DAAM1: variants seen among roughly 807,000 people sequenced by gnomAD.
The protein encoded by DAAM1 is disheveled-associated activator of morphogenesis 1.
Under a neutral mutation model 130.0 loss-of-function variants are expected in DAAM1, and 52 were observed. The observed-to-expected ratio is 0.40, with a 90% confidence interval of 0.32 to 0.50. The LOEUF is 0.50. Among genes scored for constraint, DAAM1 ranks in the 20% least tolerant of loss-of-function variants. The pLI is 0.61. For missense variants in DAAM1, 1,134 were observed against 1,303.8 expected (o/e 0.87, Z 2.01); for synonymous variants, 452 against 444.5 (o/e 1.02, Z -0.21).
chr14:59,320,119 G>A (rs1884950483), intron 4 of DAAM1, among the ~76,000 whole-genome samples: 1 of 152,178 alleles, frequency 6.6e-6, no homozygotes, highest in Non-Finnish European at 1.5e-5. Context: ...TGAGGAATAG[G>A]AATGGTAGCA....
intron 2 of DAAM1, among the ~76,000 whole-genome samples, chr14:59,280,400 A>C (rs560310213): frequency 6.6e-6 from 1 of 152,060 alleles, no homozygotes. Flanking sequence ...ACACCACTGC[A>C]CTCCAGCCTG....
At chr14:59,332,054 C>T in intron 15 of DAAM1, 134 bp downstream of exon 15, 1 of 716,594 alleles carries the variant, frequency 1.4e-6, no homozygotes, top group Non-Finnish European at 2.3e-6. Flanking sequence ...CTGTGCATGT[C>T]CGTGTCTCCG....
chr14:59,217,261 AT>A (rs1394824000), intron 1 of DAAM1, among the ~76,000 whole-genome samples: 6 of 151,972 alleles, frequency 3.9e-5, no homozygotes, highest in African/African-American at 1.5e-4. Flanking sequence ...TCTGTGACTG[AT>A]TTCTTAAGGG....
chr14:59,259,207 A>C lies in DAAM1; in HGVS notation c.-37-4234A>C, dbSNP rs937542784. Among the ~76,000 whole-genome samples, 5 of 152,166 alleles carry C rather than the reference A, an allele frequency of 3.3e-5. No individual in the cohort carries two copies. In the East Asian group the frequency reaches 9.6e-4, roughly 29 times the overall value. On this transcript the variant is annotated intron_variant, in intron 1 of 24. Coordinates refer to ENST00000360909, the MANE Select transcript of DAAM1 (RefSeq NM_001270520.2). The stretch of plus-strand genomic sequence containing the variant: ...ACCTCTGTGTGCAAAACACTAAGTG[A>C]CATGTGCCATGTCACTTTTCCTCCC...
chr14:59,311,632 A>G (rs1884599741), intron 3 of DAAM1, among the ~76,000 whole-genome samples: 1 of 151,956 alleles, frequency 6.6e-6, no homozygotes. Context: ...TATTTCTGGA[A>G]ATGTTTGTGT....
At chr14:59,358,691 A>C (rs1325257194) in intron 20 of DAAM1, among the ~76,000 whole-genome samples, 3 of 152,016 alleles carry the variant, frequency 2.0e-5, no homozygotes, top group Non-Finnish European at 4.4e-5. Flanking sequence ...GAAAACATGA[A>C]AATTAGCCGG....
At chr14:59,361,746 G>A (rs1045557217) in intron 22 of DAAM1, among the ~76,000 whole-genome samples, 6 of 152,154 alleles carry the variant, frequency 3.9e-5, no homozygotes, top group South Asian at 2.1e-4. Context: ...GCAGAGTAGC[G>A]TCCCTGGTGT....
chr14:59,224,957 C>A (rs1003796975), intron 1 of DAAM1, among the ~76,000 whole-genome samples: 1 of 151,624 alleles, frequency 6.6e-6, no homozygotes, highest in Non-Finnish European at 1.5e-5. Flanking sequence ...TATGCTGGCA[C>A]CTTCACCTCA....
At chr14:59,337,172 T>C (rs1046959421) in intron 15 of DAAM1, among the ~76,000 whole-genome samples, 1 of 152,214 alleles carries the variant, frequency 6.6e-6, no homozygotes, top group Non-Finnish European at 1.5e-5. Context: ...TAGGTTAAGA[T>C]GACTTCATGG....
intron 4 of DAAM1, among the ~76,000 whole-genome samples, chr14:59,317,341 A>G (rs1884830408): frequency 6.6e-6 from 1 of 152,224 alleles, no homozygotes; most frequent in African/African-American, 2.4e-5. Flanking sequence ...TGATGAGACC[A>G]GAAACCCTAT....
intron 16 of DAAM1, among the ~76,000 whole-genome samples, chr14:59,346,612 A>G (rs1020351770): frequency 2.0e-5 from 3 of 152,118 alleles, no homozygotes; most frequent in Admixed American, 6.5e-5. Flanking sequence ...ATCAAAGAAA[A>G]GGAAAAGTCT....
chr14:59,357,439 G>GT (rs1386353689), intron 20 of DAAM1: 4 of 152,104 alleles, frequency 2.6e-5, no homozygotes, highest in Non-Finnish European at 4.4e-5. Context: ...TACCCCTTAG[G>GT]TAAGAATCAC....
chr14:59,364,332 T>C (rs1031896469), intron 23 of DAAM1, among the ~76,000 whole-genome samples: 2 of 152,014 alleles, frequency 1.3e-5, no homozygotes, highest in Non-Finnish European at 2.9e-5. Flanking sequence ...ACAAGAGGTT[T>C]TTTTTTTTTT....
rs1487187845 is a variant in DAAM1 at position 59,330,673 on chromosome 14, C to G, written c.1545C>G (p.Leu515=). The G allele has an allele frequency of 6.2e-7, 1 of 1,611,492 alleles. No homozygotes were observed. Among genetic ancestry groups the G allele is most frequent in the Non-Finnish European group, 8.5e-7 (1 of 1,179,082 alleles). ...AGGTGGCGGACCTCACAGCACAGCTCCATGAGCTCAGCAGGGTGAGGTCTT... is the reference window on the plus strand; with the variant it reads ...AGGTGGCGGACCTCACAGCACAGCTGCATGAGCTCAGCAGGGTGAGGTCTT... The part of the protein sequence containing the change: ...KQQVADLTAQ[L]HELSRRAVCA... The change falls in exon 13 of 25, where the codon CTC becomes CTG. Residue 515 remains leucine, a synonymous_variant. Transcript: ENST00000360909.
At chr14:59,300,651 GA>G (rs1011619819) in intron 3 of DAAM1, among the ~76,000 whole-genome samples, 1 of 152,064 alleles carries the variant, frequency 6.6e-6, no homozygotes, top group Non-Finnish European at 1.5e-5. Context: ...ATTCACCTCA[GA>G]TTTTTTTTAA....
chr14:59,214,602 A>G (rs1198454172), intron 1 of DAAM1, among the ~76,000 whole-genome samples: 1 of 152,234 alleles, frequency 6.6e-6, no homozygotes, highest in African/African-American at 2.4e-5. Flanking sequence ...GTCATGTAAT[A>G]TGTGGTCTTT....
chr14:59,331,118 T>G, intron 13 of DAAM1, 91 bp from the exon 14 acceptor site: 1 of 1,535,816 alleles, frequency 6.5e-7, no homozygotes, highest in Non-Finnish European at 8.7e-7. Context: ...TTCTCTATAA[T>G]AAACATTTTA....
At chr14:59,263,852 T>C in intron 2 of DAAM1, 192 bp downstream of exon 2, 1 of 684,664 alleles carries the variant, frequency 1.5e-6, no homozygotes, top group Admixed American at 2.5e-5. Context: ...GAGGGTAGTA[T>C]TACTACATCC....
At chr14:59,330,035 C>T (rs1885358599) in intron 12 of DAAM1, among the ~76,000 whole-genome samples, 1 of 152,238 alleles carries the variant, frequency 6.6e-6, no homozygotes, top group Non-Finnish European at 1.5e-5. Context: ...TCCCTTCCAG[C>T]CCTTCGGCTG....
Sources: gnomAD v4.1 joint callset for allele counts (sites outside exome capture counted in the v4.1 genomes callset) on GRCh38, gnomAD v4.1.1 for gene constraint, MANE v1.5 for transcripts, NCBI Gene and HGNC (gene_info 2026-07-23, HGNC 2026-07-21) for gene names.